The following TDP2 variants were observed in gnomAD, a reference collection of about 807,000 sequenced individuals.
The protein encoded by TDP2 is 5'-Tyr-DNA phosphodiesterase.
TDP2 carries 38 observed loss-of-function variants against 42.8 expected under a neutral mutation model. The ratio of observed to expected loss-of-function variants is 0.89; its 90% CI spans 0.68 to 1.16. The LOEUF is 1.16. Ranked by LOEUF, TDP2 falls within the 50% of genes most tolerant of loss-of-function variation. The pLI is 0.00. For synonymous variants in TDP2, 173 were observed against 150.6 expected, an observed-to-expected ratio of 1.15 and a Z score of -1.09; for missense variants, 439 against 439.3, an observed-to-expected ratio of 1.00 and a Z score of 0.01.
chr6:24,653,625 T>C (rs1182849967), intron 5 of TDP2, among the ~76,000 whole-genome samples: 2 of 152,222 alleles, frequency 1.3e-5, no homozygotes, highest in African/African-American at 2.4e-5. Context: ...TCATTTACCA[T>C]TTGCAATTAA....
At chr6:24,656,103 A>G (rs1306111940) in intron 4 of TDP2, among the ~76,000 whole-genome samples, 1 of 152,218 alleles carries the variant, frequency 6.6e-6, no homozygotes, top group Middle Eastern at 3.2e-3. Context: ...AAATAAAAAC[A>G]ATGCAGGGAA....
At chr6:24,665,927 G>T in intron 2 of TDP2, 1 of 622,642 alleles carries the variant, frequency 1.6e-6, no homozygotes, top group South Asian at 4.8e-5. Context: ...TCAAAGACAG[G>T]AGAAAATGAC....
chr6:24,662,159 T>C (rs555820039), intron 2 of TDP2, among the ~76,000 whole-genome samples: 6 of 152,192 alleles, frequency 3.9e-5, no homozygotes, highest in East Asian at 1.9e-4. Flanking sequence ...TGTCCAAGGA[T>C]TCCCCCCACT....
intron 2 of TDP2, among the ~76,000 whole-genome samples, chr6:24,664,318 C>A (rs1436600333): frequency 7.5e-6 from 1 of 133,860 alleles, no homozygotes; most frequent in African/African-American, 2.9e-5. Context: ...TTAGAATTAC[C>A]TGCACAGCTA....
chr6:24,652,708 C>T (rs1277780327), intron 6 of TDP2, among the ~76,000 whole-genome samples: 2 of 151,316 alleles, frequency 1.3e-5, no homozygotes, highest in Non-Finnish European at 2.9e-5. Context: ...ATTTTCTCTA[C>T]CTTTCTTTCT....
intron 2 of TDP2, chr6:24,659,056 G>A (rs1196920312): frequency 5.1e-6 from 1 of 195,284 alleles, no homozygotes; most frequent in Admixed American, 5.9e-5. Context: ...CATTGCTTAA[G>A]ATGTTTTTCA....
intron 4 of TDP2, among the ~76,000 whole-genome samples, chr6:24,655,637 A>G (rs982105187): frequency 6.6e-6 from 1 of 152,164 alleles, no homozygotes; most frequent in Non-Finnish European, 1.5e-5. Context: ...AGCCACAGGG[A>G]GGGGCATGCA....
chr6:24,655,421 A>C (rs2127617498), intron 4 of TDP2, among the ~76,000 whole-genome samples: 1 of 152,278 alleles, frequency 6.6e-6, no homozygotes, highest in East Asian at 1.9e-4. Context: ...GTTCCACCAA[A>C]ATCTGGAAAC....
Position 24,655,614 on chromosome 6 carries a change from C to T in TDP2, c.518-1084G>A, listed in dbSNP as rs576163427. ...TTTACATAGAACTAAATTTTAGAGG[C>T]TCCAGAGTCACCAGCCACAGGGAGG... On this transcript the variant is annotated intron_variant, in intron 4 of 6. Coordinates refer to ENST00000378198, the MANE Select transcript of TDP2 (RefSeq NM_016614.3). Among the ~76,000 whole-genome samples the T allele has an allele frequency of 7.2e-5, 11 of 152,252 alleles. 1 individual carries two copies. The South Asian group carries it at 2.3e-3, about 32-fold the overall frequency.
chr6:24,651,325 A>T (rs564925944), intron 6 of TDP2, among the ~76,000 whole-genome samples: 1 of 152,310 alleles, frequency 6.6e-6, no homozygotes, highest in African/African-American at 2.4e-5. Context: ...GGTTTCAGAT[A>T]AAACTTAGAA....
chr6:24,650,535 A>G lies in TDP2; in HGVS notation c.*253T>C. On this transcript the variant is annotated 3_prime_UTR_variant, in exon 7 of 7. Transcript: ENST00000378198. ...TGTTTGGAATCCAGCTGGCAGCTAT[A>G]AGCACCGTTGAAAACTCTGACAGGC... is the stretch of plus-strand genomic sequence containing the variant. 4.3e-6 allele frequency: 2 copies of G among 467,180 alleles called. No individual in the cohort carries two copies. Among genetic ancestry groups the G allele is most frequent in the Non-Finnish European group, 7.6e-6 (2 of 263,568 alleles). 28.9% of individuals were successfully genotyped at this position (467,180 alleles called of 1,614,324 possible). A position where few individuals can be genotyped will look rare whatever the true frequency, so the allele number is the denominator to read the frequency against.
chr6:24,651,388 T>C (rs974103146), intron 6 of TDP2, among the ~76,000 whole-genome samples: 3 of 152,158 alleles, frequency 2.0e-5, no homozygotes, highest in Non-Finnish European at 2.9e-5. Flanking sequence ...AAAACTGAAC[T>C]CAAGTGAAAA....
chr6:24,666,353 G>T, intron 2 of TDP2, 173 bp downstream of exon 2: 2 of 1,457,816 alleles, frequency 1.4e-6, no homozygotes, highest in Admixed American at 2.0e-5. Context: ...TCCGCTGCTG[G>T]GGCGCAACTC....
At chr6:24,655,502 G>T (rs916367406) in intron 4 of TDP2, among the ~76,000 whole-genome samples, 5 of 152,210 alleles carry the variant, frequency 3.3e-5, no homozygotes, top group Non-Finnish European at 5.9e-5. Context: ...GCCAGTTCAA[G>T]GTCTGGATAT....
intron 2 of TDP2, among the ~76,000 whole-genome samples, chr6:24,661,194 TGAA>T (rs1778142997): frequency 6.6e-6 from 1 of 152,216 alleles, no homozygotes; most frequent in African/African-American, 2.4e-5. Context: ...AGTTCCCAAA[TGAA>T]GATTTTTTTC....
At position 24,666,841 on chromosome 6, in the gene TDP2, C is replaced by T. The variant is rs764469672; in HGVS notation, c.22G>A (p.Glu8Lys). Residue 8 changes from glutamate (E) to lysine (K), a missense_variant, in exon 1 of 7, where the codon GAG becomes AAG. Physicochemically the swap from Glu to Lys is moderately conservative, Grantham distance 56. Coordinates refer to ENST00000378198, the MANE Select transcript of TDP2 (RefSeq NM_016614.3). MELGSCL[E>K]GGREAAEEEG... ...TCCTCCGCCGCCTCCCTCCCGCCCT[C>T]CAGGCAACTCCCCAACTCCATCTTC... 5 of 1,614,064 alleles carry T rather than the reference C, an allele frequency of 3.1e-6. No homozygotes were observed. The highest frequency in any genetic ancestry group is 4.2e-6 in the Non-Finnish European group (5 of 1,180,038).
In TDP2 at chr6:24,650,698, A is replaced by G. The variant is rs925616418; in HGVS notation, c.*90T>C. 1.0e-5 allele frequency: 13 copies of G among 1,292,176 alleles called. No individual in the cohort carries two copies. The Admixed American group carries it at 2.7e-4, about 26-fold the overall frequency. 80.0% of individuals were successfully genotyped at this position (1,292,176 alleles called of 1,614,324 possible). ...GGTTTTTCTGTGACAATGATCTAGTACATTATTTCCTCCACAGCAAACCTA... is the reference window on the plus strand; with the variant it reads ...GGTTTTTCTGTGACAATGATCTAGTGCATTATTTCCTCCACAGCAAACCTA... On this transcript the variant is annotated 3_prime_UTR_variant, in exon 7 of 7. Coordinates refer to ENST00000378198, the MANE Select transcript of TDP2 (RefSeq NM_016614.3).
chr6:24,654,467 T>G lies in TDP2; in HGVS notation c.581A>C (p.Gln194Pro). 1 of 1,591,372 alleles carries G rather than the reference T, an allele frequency of 6.3e-7. No homozygotes were observed. The highest frequency in any genetic ancestry group is 2.3e-5 in the East Asian group (1 of 44,234). ...LKKSRVKLKS[Q>P]EIIPFPSTKM... ...GGTACTTGGAAAAGGAATAATCTCTTGGCTTTTTAATTTCACTCTTGATTT... is the reference window on the plus strand; with the variant it reads ...GGTACTTGGAAAAGGAATAATCTCTGGGCTTTTTAATTTCACTCTTGATTT... The change falls in exon 5 of 7, where the codon CAA becomes CCA. Residue 194 changes from glutamine to proline, a missense_variant. By Grantham distance (76) the Gln-to-Pro change is moderately conservative. Coordinates refer to ENST00000378198, the MANE Select transcript of TDP2 (RefSeq NM_016614.3).
At chr6:24,655,102 A>G (rs1011494619) in intron 4 of TDP2, among the ~76,000 whole-genome samples, 1 of 152,242 alleles carries the variant, frequency 6.6e-6, no homozygotes, top group Admixed American at 6.5e-5. Context: ...AATGCTGCCA[A>G]TATCAGATGA....
Sources: allele counts gnomAD v4.1 joint callset (sites outside exome capture counted in the v4.1 genomes callset), GRCh38; gene constraint gnomAD v4.1.1; transcripts MANE v1.5; gene names NCBI Gene and HGNC (gene_info 2026-07-23, HGNC 2026-07-21).